SEC14L2: variants seen among roughly 807,000 people sequenced by gnomAD.
SEC14L2 encodes the protein SEC14-like protein 2.
Under a neutral mutation model 56.9 loss-of-function variants are expected in SEC14L2, and 50 were observed. The ratio of observed to expected loss-of-function variants is 0.88; its 90% CI spans 0.70 to 1.11. The LOEUF is 1.11. SEC14L2 is among the 50% of genes most tolerant of loss of function. The pLI, the probability that SEC14L2 is intolerant of heterozygous loss-of-function variation, is 0.00. For synonymous variants in SEC14L2, 179 were observed against 188.5 expected, an observed-to-expected ratio of 0.95 and a Z score of 0.41; for missense variants, 414 against 500.7, an observed-to-expected ratio of 0.83 and a Z score of 1.65.
At chr22:30,398,208 G>A (rs1002499508) in intron 1 of SEC14L2, among the ~76,000 whole-genome samples, 1 of 152,230 alleles carries the variant, frequency 6.6e-6, no homozygotes, top group Admixed American at 6.5e-5. Context: ...CTGCTGACTC[G>A]CAGGAGAGGT....
chr22:30,405,626 G>A (rs1934071659), intron 2 of SEC14L2, among the ~76,000 whole-genome samples: 2 of 152,126 alleles, frequency 1.3e-5, no homozygotes, highest in Non-Finnish European at 2.9e-5. Context: ...CTATCCCACT[G>A]GGATGTTCTG....
At chr22:30,398,796 G>T (rs1191020354) in intron 1 of SEC14L2, 2 of 470,438 alleles carry the variant, frequency 4.3e-6, no homozygotes, top group Admixed American at 4.7e-5. Context: ...AAGAGTGTGT[G>T]CTCTGGACTC....
At chr22:30,401,511 TTTA>T (rs1211552452) in intron 2 of SEC14L2, among the ~76,000 whole-genome samples, 1 of 149,598 alleles carries the variant, frequency 6.7e-6, no homozygotes, top group East Asian at 2.0e-4. Context: ...TATTTTTATT[TTTA>T]TTATTTTTAT....
chr22:30,397,073 C>T lies in SEC14L2; in HGVS notation c.-44C>T, dbSNP rs1569202893. On this transcript the variant is annotated 5_prime_UTR_variant, in exon 1 of 12. Transcript: ENST00000615189. ...TCTGTGCTCCATCAGCTGCCGCACC[C>T]GCCGCCTCCCGCCCCCAAACCCCAT... 6.5e-7 allele frequency: 1 copy of T among 1,531,568 alleles called. No individual in the cohort carries two copies. The highest frequency in any genetic ancestry group is 8.8e-7 in the Non-Finnish European group (1 of 1,131,536). The allele number at this position is 1,531,568 out of a possible 1,614,324, so 94.9% of individuals were successfully genotyped here. A position where few individuals can be genotyped will look rare whatever the true frequency, so the allele number is the denominator to read the frequency against.
At chr22:30,399,112 G>A (rs1039100024) in intron 1 of SEC14L2, among the ~76,000 whole-genome samples, 1 of 152,020 alleles carries the variant, frequency 6.6e-6, no homozygotes, top group East Asian at 1.9e-4. Flanking sequence ...CAGGGGCAGT[G>A]TCTCACTCCC....
intron 2 of SEC14L2, among the ~76,000 whole-genome samples, chr22:30,401,518 TTTTTA>T (rs1482705701): frequency 1.3e-5 from 2 of 150,022 alleles, no homozygotes. Context: ...ATTTTTATTA[TTTTTA>T]TTTTTTTTGA....
At chr22:30,399,420 C>A (rs1464312588) in intron 1 of SEC14L2, among the ~76,000 whole-genome samples, 1 of 145,202 alleles carries the variant, frequency 6.9e-6, no homozygotes, top group African/African-American at 2.6e-5. Context: ...GAGGCTGAGT[C>A]AGGAGAATGG....
intron 5 of SEC14L2, among the ~76,000 whole-genome samples, chr22:30,408,435 A>C (rs1368670257): frequency 6.6e-6 from 1 of 152,154 alleles, no homozygotes; most frequent in African/African-American, 2.4e-5. Flanking sequence ...CTACAAAAAA[A>C]AGTAAAAAAT....
chr22:30,399,423 G>A (rs2146002152), intron 1 of SEC14L2, among the ~76,000 whole-genome samples: 1 of 148,840 alleles, frequency 6.7e-6, no homozygotes. Flanking sequence ...GCTGAGTCAG[G>A]AGAATGGTGT....
intron 11 of SEC14L2, chr22:30,420,550 C>CGA (rs1248543268): frequency 1.3e-5 from 2 of 152,204 alleles, no homozygotes; most frequent in African/African-American, 4.8e-5. Flanking sequence ...TGCTAAGACT[C>CGA]TATCATCCAG....
At chr22:30,410,560 T>C in intron 7 of SEC14L2, 36 bp from the exon 8 acceptor site, 1 of 1,592,856 alleles carries the variant, frequency 6.3e-7, no homozygotes. Flanking sequence ...GACTGGGCAC[T>C]GCTCCCAGCC....
chr22:30,422,755 G>C lies in SEC14L2; in HGVS notation c.*348G>C, dbSNP rs1934554260. 2 of 201,232 alleles carry C rather than the reference G, an allele frequency of 9.9e-6. No individual in the cohort carries two copies. The highest frequency in any genetic ancestry group is 2.0e-4 in the South Asian group (2 of 9,870). The allele number at this position is 201,232 out of a possible 1,614,324, so 12.5% of individuals were successfully genotyped here. On this transcript the variant is annotated 3_prime_UTR_variant, in exon 12 of 12. Coordinates refer to ENST00000615189, the MANE Select transcript of SEC14L2 (RefSeq NM_012429.5). ...AAATTAGAAAAGGGTGAAAGATTGG[G>C]ACTTAACACTTCAGGGAAGTCAGCT...
chr22:30,404,027 A>AAG (rs1555996008), intron 2 of SEC14L2, among the ~76,000 whole-genome samples: 1 of 132,156 alleles, frequency 7.6e-6, no homozygotes, highest in African/African-American at 3.0e-5. Flanking sequence ...AAAAAAAAAA[A>AAG]AAGAAAAAAA....
At chr22:30,399,360 C>CA (rs1933852792) in intron 1 of SEC14L2, among the ~76,000 whole-genome samples, 1 of 151,702 alleles carries the variant, frequency 6.6e-6, no homozygotes, top group Admixed American at 6.6e-5. Flanking sequence ...ACTAAAAATA[C>CA]AAAAAATAGC....
At chr22:30,399,797 C>A in intron 2 of SEC14L2, 79 bp downstream of exon 2, 2 of 1,325,254 alleles carry the variant, frequency 1.5e-6, no homozygotes, top group Non-Finnish European at 1.0e-6. Context: ...AAAACCCTGC[C>A]CTTGGCAATT....
At position 30,423,991 on chromosome 22, in the gene SEC14L2, T is replaced by C. The variant is rs1968520957; in HGVS notation, c.*1584T>C. 6.6e-6 allele frequency: 1 copy of C among 152,416 alleles called. No homozygotes were observed. Among genetic ancestry groups the C allele is most frequent in the South Asian group, 2.1e-4 (1 of 4,850 alleles). The allele number at this position is 152,416 out of a possible 1,614,324, so 9.4% of individuals were successfully genotyped here. On this transcript the variant is annotated 3_prime_UTR_variant, in exon 12 of 12. Transcript: ENST00000615189. ...AGAAATCCTCCTCGGCTCTCTAGCGTGAGCTTTCCCAAGGGGCCACGCCCA... is the reference window on the plus strand; with the variant it reads ...AGAAATCCTCCTCGGCTCTCTAGCGCGAGCTTTCCCAAGGGGCCACGCCCA...
intron 8 of SEC14L2, among the ~76,000 whole-genome samples, chr22:30,413,979 C>T (rs1421869311): frequency 6.6e-6 from 1 of 152,080 alleles, no homozygotes; most frequent in African/African-American, 2.4e-5. Context: ...GCTGGGACTA[C>T]AGCCAGCACA....
At chr22:30,415,918 ATTCCAG>A in intron 9 of SEC14L2, 24 bp from the exon 10 acceptor site, 1 of 1,614,068 alleles carries the variant, frequency 6.2e-7, no homozygotes, top group Non-Finnish European at 8.5e-7. Flanking sequence ...TCAAATGCAC[ATTCCAG>A]TTCACTCCAT....
chr22:30,410,507 G>T (rs141179840), intron 7 of SEC14L2, 89 bp from the exon 8 acceptor site: 301 of 1,256,054 alleles, frequency 2.4e-4, no homozygotes, highest in Non-Finnish European at 3.3e-4. Flanking sequence ...AGCATGGGCT[G>T]GCAGGAGGGT....
Sources: allele counts gnomAD v4.1 joint callset (sites outside exome capture counted in the v4.1 genomes callset), GRCh38; gene constraint gnomAD v4.1.1; transcripts MANE v1.5; gene names NCBI Gene and HGNC (gene_info 2026-07-23, HGNC 2026-07-21).